RANBP2: variants seen among roughly 807,000 people sequenced by gnomAD.
RANBP2 encodes RAN binding protein 2.
A neutral mutation model predicts 303.6 loss-of-function variants in RANBP2; 57 were observed. The ratio of observed to expected loss-of-function variants is 0.19; its 90% CI spans 0.15 to 0.23. The LOEUF (loss-of-function observed/expected upper bound fraction) is 0.23, where lower values mean the gene tolerates loss of function less well. Ranked by LOEUF, RANBP2 falls within the 10% of genes least tolerant of loss-of-function variation. The probability of loss-of-function intolerance (pLI) is 1.00; values close to 1 mark genes in which losing one functional copy is unlikely to be tolerated. For missense variants in RANBP2, 3,138 were observed against 3,780.8 expected (o/e 0.83, Z 4.46); for synonymous variants, 1,167 against 1,301.5 (o/e 0.90, Z 2.23).
chr2:109,111,470 T>C, the RANBP2 span, among the ~76,000 whole-genome samples: 4 of 14,952 alleles, frequency 2.7e-4, no homozygotes, highest in Non-Finnish European at 6.8e-3. Flanking sequence ...CAGGCTTCAA[T>C]CTGAACTCTA....
chr2:108,946,896 C>CT, the RANBP2 span, among the ~76,000 whole-genome samples: 369 of 151,658 alleles, frequency 2.4e-3, 1 homozygote, highest in Non-Finnish European at 4.0e-3. Flanking sequence ...CAAATCTCAT[C>CT]TTTTTTTTCA....
the RANBP2 span, among the ~76,000 whole-genome samples, chr2:109,008,225 G>C: frequency 6.6e-6 from 1 of 152,180 alleles, no homozygotes; most frequent in South Asian, 2.1e-4. Flanking sequence ...TTCACTGCTA[G>C]AGAGTAAGCT....
the RANBP2 span, among the ~76,000 whole-genome samples, chr2:109,491,452 T>C: frequency 6.6e-6 from 1 of 152,234 alleles, no homozygotes; most frequent in African/African-American, 2.4e-5. Context: ...TCCGTCAGAC[T>C]GAACCCTTTG....
chr2:108,723,508 C>G (rs974528997), intron 1 of RANBP2, among the ~76,000 whole-genome samples: 3 of 152,012 alleles, frequency 2.0e-5, no homozygotes, highest in Non-Finnish European at 4.4e-5. Flanking sequence ...ATCTCCTGAC[C>G]TCATGATCCG....
the RANBP2 span, among the ~76,000 whole-genome samples, chr2:109,157,699 C>T: frequency 6.6e-6 from 1 of 152,112 alleles, no homozygotes; most frequent in African/African-American, 2.4e-5. Context: ...GTTTTATCAC[C>T]TACAATTGAA....
downstream of RANBP2, among the ~76,000 whole-genome samples, chr2:108,789,363 C>T (rs938478049): frequency 6.6e-6 from 1 of 152,076 alleles, no homozygotes; most frequent in Non-Finnish European, 1.5e-5. Flanking sequence ...GAGGCCGAGG[C>T]GGGTGGATCA....
At chr2:109,674,154 T>C in the RANBP2 span, among the ~76,000 whole-genome samples, 1 of 152,134 alleles carries the variant, frequency 6.6e-6, no homozygotes, top group Non-Finnish European at 1.5e-5. Flanking sequence ...TGTTGTTTCT[T>C]GATGCCAGCT....
the RANBP2 span, chr2:109,129,789 G>T: frequency 6.5e-7 from 1 of 1,539,390 alleles, no homozygotes; most frequent in South Asian, 1.2e-5. Context: ...GCTGCCTGGA[G>T]AGCATCGTGT....
the RANBP2 span, chr2:108,857,025 A>T: frequency 1.6e-5 from 8 of 505,872 alleles, no homozygotes; most frequent in African/African-American, 2.0e-4. Flanking sequence ...TTCTGTCTTT[A>T]TCTTGTCTGC....
the RANBP2 span, among the ~76,000 whole-genome samples, chr2:109,375,747 T>G: frequency 6.6e-6 from 1 of 152,220 alleles, no homozygotes; most frequent in Non-Finnish European, 1.5e-5. Context: ...AGCCCCCCTC[T>G]CTTTCTGCAC....
chr2:109,674,468 C>G, the RANBP2 span, among the ~76,000 whole-genome samples: 1 of 150,722 alleles, frequency 6.6e-6, no homozygotes, highest in African/African-American at 2.4e-5. Context: ...CCTGTAGTCC[C>G]AGCTACTTGG....
the RANBP2 span, among the ~76,000 whole-genome samples, chr2:109,321,868 C>G: frequency 1.3e-3 from 198 of 152,312 alleles, no homozygotes; most frequent in Middle Eastern, 0.017. Flanking sequence ...CAGTGGATTC[C>G]CACTGCTTAC....
the RANBP2 span, among the ~76,000 whole-genome samples, chr2:109,285,928 C>T: frequency 1.3e-5 from 2 of 152,212 alleles, no homozygotes; most frequent in Admixed American, 6.5e-5. Context: ...TCCACTCACC[C>T]GGTTTTCCTC....
intron 8 of RANBP2, among the ~76,000 whole-genome samples, chr2:108,748,149 G>T (rs1675521983): frequency 6.6e-6 from 1 of 151,564 alleles, no homozygotes; most frequent in African/African-American, 2.4e-5. Flanking sequence ...ATGATTTTTT[G>T]ATTGCTTACT....
the RANBP2 span, among the ~76,000 whole-genome samples, chr2:109,640,175 C>T: frequency 6.6e-6 from 1 of 151,612 alleles, no homozygotes; most frequent in Non-Finnish European, 1.5e-5. Flanking sequence ...GCTTCCAGCC[C>T]AGCACAGTGG....
the RANBP2 span, among the ~76,000 whole-genome samples, chr2:109,227,942 C>T: frequency 1.6e-4 from 25 of 152,312 alleles, no homozygotes; most frequent in Non-Finnish European, 2.6e-4. Context: ...CCCAAACAAA[C>T]GTGCATTGGT....
At chr2:109,130,803 GC>G in the RANBP2 span, among the ~76,000 whole-genome samples, 3 of 152,132 alleles carry the variant, frequency 2.0e-5, no homozygotes, top group African/African-American at 7.2e-5. Context: ...GCATTTTAGG[GC>G]CTTCGCTGCT....
At chr2:109,553,275 C>T in the RANBP2 span, 57 of 1,582,640 alleles carry the variant, frequency 3.6e-5, no homozygotes, top group South Asian at 5.3e-4. Context: ...TCGGGTATGG[C>T]GGCTCACGCC....
the RANBP2 span, among the ~76,000 whole-genome samples, chr2:108,919,470 T>C: frequency 6.6e-6 from 1 of 152,192 alleles, no homozygotes; most frequent in Non-Finnish European, 1.5e-5. Context: ...GTGATTCTCC[T>C]GCCTCAGCCT....
Sources: gnomAD v4.1 joint callset for allele counts (sites outside exome capture counted in the v4.1 genomes callset) on GRCh38, gnomAD v4.1.1 for gene constraint, MANE v1.5 for transcripts, NCBI Gene and HGNC (gene_info 2026-07-23, HGNC 2026-07-21) for gene names.